The following S100A10 variants were observed in gnomAD, a reference collection of about 807,000 sequenced individuals.
The protein encoded by S100A10 is S100 calcium binding protein A10.
A neutral mutation model predicts 7.1 loss-of-function variants in S100A10; 3 were observed. That is an observed-to-expected ratio of 0.42 (90% CI 0.19 to 1.10). The LOEUF is 1.10. Ranked by LOEUF, S100A10 falls within the 50% of genes least tolerant of loss-of-function variation. The probability of loss-of-function intolerance (pLI) is 0.29; values close to 1 mark genes in which losing one functional copy is unlikely to be tolerated. For synonymous variants in S100A10, 41 were observed against 39.3 expected, an observed-to-expected ratio of 1.04 and a Z score of -0.16; for missense variants, 101 against 118.1, an observed-to-expected ratio of 0.86 and a Z score of 0.67.
intron 2 of S100A10, chr1:151,985,108 T>G (rs991910412): frequency 2.0e-5 from 3 of 152,964 alleles, no homozygotes; most frequent in African/African-American, 7.2e-5. Context: ...AGTCAGGGGC[T>G]GGACTAATGT....
At chr1:151,991,996 G>C (rs865920189) in intron 1 of S100A10, among the ~76,000 whole-genome samples, 3 of 152,160 alleles carry the variant, frequency 2.0e-5, no homozygotes, top group South Asian at 4.2e-4. Context: ...CAAAAAAATT[G>C]TAAGAACCTA....
At chr1:151,991,887 G>A (rs1033007747) in intron 1 of S100A10, among the ~76,000 whole-genome samples, 9 of 152,154 alleles carry the variant, frequency 5.9e-5, no homozygotes, top group African/African-American at 1.9e-4. Context: ...GCCAGCACAC[G>A]GGAGGAAAGG....
chr1:151,988,151 G>GTCTC (rs1300858487), intron 1 of S100A10, among the ~76,000 whole-genome samples: 2 of 152,206 alleles, frequency 1.3e-5, no homozygotes, highest in African/African-American at 2.4e-5. Context: ...AGGGGTATAT[G>GTCTC]TCTCACAAGA....
intron 1 of S100A10, among the ~76,000 whole-genome samples, chr1:151,992,075 A>C (rs934142630): frequency 6.6e-6 from 1 of 152,210 alleles, no homozygotes; most frequent in Non-Finnish European, 1.5e-5. Context: ...TGAAGGAACA[A>C]ATACACCATT....
intron 2 of S100A10, chr1:151,985,021 A>G (rs1432386608): frequency 1.3e-5 from 2 of 152,444 alleles, no homozygotes; most frequent in African/African-American, 2.4e-5. Context: ...TAGGCTATTT[A>G]TATCTGTTTA....
intron 1 of S100A10, among the ~76,000 whole-genome samples, chr1:151,987,689 G>A (rs888234765): frequency 7.9e-5 from 12 of 151,926 alleles, no homozygotes; most frequent in African/African-American, 2.2e-4. Flanking sequence ...ACAGGTGCCC[G>A]CCACCGCGCC....
rs1174558026 is a variant in S100A10, at chr1:151,986,343, TTGTA to T, written c.-21-96_-21-93del. On this transcript the variant is annotated intron_variant, in intron 1 of 2. Transcript: ENST00000368811. Reference sequence around the variant, plus strand: ...ATTTTTTTTAAATTGAAAGATAAAATTGTATGTATTTAATGTGTACAACATGATG... The same window carrying T: ...ATTTTTTTTAAATTGAAAGATAAAATTGTATTTAATGTGTACAACATGATG... The T allele has an allele frequency of 3.3e-6, 3 of 902,766 alleles. No homozygotes were observed. The African/African-American group carries it at 5.2e-5, about 16-fold the overall frequency. The allele number at this position is 902,766 out of a possible 1,614,324, so 55.9% of individuals were successfully genotyped here.
chr1:151,987,025 CTCTTT>C (rs1655805359), intron 1 of S100A10, among the ~76,000 whole-genome samples: 2 of 97,036 alleles, frequency 2.1e-5, no homozygotes, highest in African/African-American at 7.2e-5. Context: ...ATCAGTGTTC[CTCTTT>C]TTTTTTTTTT....
At chr1:151,985,699 G>A (rs1655775872) in intron 2 of S100A10, among the ~76,000 whole-genome samples, 1 of 152,168 alleles carries the variant, frequency 6.6e-6, no homozygotes, top group Admixed American at 6.5e-5. Flanking sequence ...GCCATTTTCT[G>A]GTTGACTACT....
intron 1 of S100A10, among the ~76,000 whole-genome samples, chr1:151,989,393 G>C: frequency 6.6e-6 from 1 of 152,164 alleles, no homozygotes; most frequent in East Asian, 1.9e-4. Flanking sequence ...CTGACTCCCT[G>C]TGTGTCCAGT....
chr1:151,983,377 GA>G (rs1655736035), intron 2 of S100A10, 53 bp from the exon 3 acceptor site: 2 of 1,256,602 alleles, frequency 1.6e-6, no homozygotes, highest in Admixed American at 5.2e-5. Context: ...TTGCAATGAG[GA>G]GCTTATTTGA....
chr1:151,989,601 G>C (rs1452951198), intron 1 of S100A10, among the ~76,000 whole-genome samples: 3 of 152,210 alleles, frequency 2.0e-5, no homozygotes, highest in Non-Finnish European at 4.4e-5. Context: ...GGGAAATGTT[G>C]TGATTAAAAC....
chr1:151,983,478 A>ATT (rs200402860), intron 2 of S100A10, among the ~76,000 whole-genome samples, 154 bp from the exon 3 acceptor site: 89 of 137,828 alleles, frequency 6.5e-4, no homozygotes, highest in South Asian at 2.5e-3. Context: ...ATCTAAATGT[A>ATT]TTTTTTTTTT....
chr1:151,991,425 T>C (rs1029365664), intron 1 of S100A10, among the ~76,000 whole-genome samples: 4 of 152,232 alleles, frequency 2.6e-5, no homozygotes, highest in African/African-American at 9.6e-5. Flanking sequence ...ACATCAATTT[T>C]TCCTTAAAGA....
intron 1 of S100A10, 109 bp from the exon 2 acceptor site, chr1:151,986,360 G>T: frequency 1.3e-6 from 1 of 774,768 alleles, no homozygotes; most frequent in Non-Finnish European, 2.0e-6. Context: ...TATTTAATGT[G>T]TACAACATGA....
At chr1:151,988,071 T>A (rs967677304) in intron 1 of S100A10, among the ~76,000 whole-genome samples, 1 of 152,212 alleles carries the variant, frequency 6.6e-6, no homozygotes, top group African/African-American at 2.4e-5. Context: ...AAGCAAGAGC[T>A]TTCATCATGA....
At chr1:151,989,827 T>C (rs1655869233) in intron 1 of S100A10, among the ~76,000 whole-genome samples, 1 of 152,178 alleles carries the variant, frequency 6.6e-6, no homozygotes, top group South Asian at 2.1e-4. Context: ...GCTCTATTCC[T>C]GGACAGATGT....
In S100A10 at chr1:151,989,665, A is replaced by G. The variant is rs189663509; in HGVS notation, c.-21-3414T>C. Among the ~76,000 whole-genome samples, 8 of 152,364 alleles carry G rather than the reference A, an allele frequency of 5.3e-5. No individual in the cohort carries two copies. In the East Asian group the frequency reaches 1.2e-3, roughly 22 times the overall value. On this transcript the variant is annotated intron_variant, in intron 1 of 2. Transcript: ENST00000368811. ...TGTAACTCTTGTCTGAGTGCAGCCA[A>G]TGGTTGCCCAACTGAGTCAGCCCTG...
chr1:151,986,299 A>C (rs1655790499), intron 1 of S100A10, 48 bp from the exon 2 acceptor site: 7 of 1,294,194 alleles, frequency 5.4e-6, no homozygotes, highest in African/African-American at 1.5e-5. Context: ...TTTTTTTGGC[A>C]GACTTTATGC....
Sources: gnomAD v4.1 joint callset for allele counts (sites outside exome capture counted in the v4.1 genomes callset) on GRCh38, gnomAD v4.1.1 for gene constraint, MANE v1.5 for transcripts, NCBI Gene and HGNC (gene_info 2026-07-23, HGNC 2026-07-21) for gene names.